ISM1: variants seen among roughly 807,000 people sequenced by gnomAD.
ISM1 encodes the protein isthmin-1.
ISM1 carries 25 observed loss-of-function variants against 46.3 expected under a neutral mutation model. That is an observed-to-expected ratio of 0.54 (90% confidence interval 0.39 to 0.75). ISM1 has a LOEUF of 0.75. Ranked by LOEUF, ISM1 falls within the 30% of genes least tolerant of loss-of-function variation. ISM1 has a pLI of 0.00. For missense variants in ISM1, 536 were observed against 625.4 expected (o/e 0.86, Z 1.52); for synonymous variants, 255 against 256.7 (o/e 0.99, Z 0.06).
Position 13,281,187 on chromosome 20 carries a change from A to G in ISM1, c.643+1289A>G, listed in dbSNP as rs570867572. 5.2e-4 allele frequency among the ~76,000 whole-genome samples: 79 copies of G among 152,350 alleles called. No homozygotes were observed. The South Asian group carries it at 0.013, about 25-fold the overall frequency. ...CAGCACTATGCTGGGTACAAAAATGAGCAAGGCATAGTCTGTCCCCAGAAC... is the reference window on the plus strand; with the variant it reads ...CAGCACTATGCTGGGTACAAAAATGGGCAAGGCATAGTCTGTCCCCAGAAC... On this transcript the variant is annotated intron_variant, in intron 3 of 5. Transcript: ENST00000262487.
chr20:13,317,489 T>C, the ISM1 span, among the ~76,000 whole-genome samples: 1 of 151,906 alleles, frequency 6.6e-6, no homozygotes, highest in Admixed American at 6.6e-5. Flanking sequence ...GCCAACAAAA[T>C]ATTGAAGGAG....
intron 1 of ISM1, among the ~76,000 whole-genome samples, chr20:13,253,875 ATATGTG>A (rs2039895913): frequency 1.7e-4 from 17 of 100,096 alleles, no homozygotes; most frequent in Admixed American, 1.6e-3. Flanking sequence ...ATATATATAT[ATATGTG>A]TGTGTGTATG....
intron 2 of ISM1, among the ~76,000 whole-genome samples, chr20:13,274,358 T>C (rs775005517): frequency 6.6e-6 from 1 of 152,060 alleles, no homozygotes; most frequent in South Asian, 2.1e-4. Context: ...CGTCAAAGCA[T>C]TCCCTCTCCC....
At chr20:13,282,019 TC>T (rs1011294573) in intron 3 of ISM1, among the ~76,000 whole-genome samples, 1 of 152,156 alleles carries the variant, frequency 6.6e-6, no homozygotes, top group African/African-American at 2.4e-5. Context: ...ACCTACTGAG[TC>T]AGAAACTCTG....
intron 2 of ISM1, among the ~76,000 whole-genome samples, chr20:13,275,662 TAA>T (rs1269257587): frequency 6.6e-6 from 1 of 152,208 alleles, no homozygotes; most frequent in Non-Finnish European, 1.5e-5. Flanking sequence ...ATACTATATA[TAA>T]GTGTGATTAT....
chr20:13,313,705 A>G, the ISM1 span, among the ~76,000 whole-genome samples: 1 of 152,240 alleles, frequency 6.6e-6, no homozygotes, highest in Admixed American at 6.5e-5. Flanking sequence ...TTTTACCAAT[A>G]TATCATGTCC....
intron 4 of ISM1, among the ~76,000 whole-genome samples, chr20:13,291,157 T>C (rs2040349048): frequency 6.6e-6 from 1 of 152,184 alleles, no homozygotes; most frequent in South Asian, 2.1e-4. Flanking sequence ...GTTTCCTTCT[T>C]GTTTTCTGTC....
chr20:13,281,783 T>C (rs1600548411), intron 3 of ISM1, among the ~76,000 whole-genome samples: 1 of 152,184 alleles, frequency 6.6e-6, no homozygotes, highest in African/African-American at 2.4e-5. Context: ...CAGCCTGAGA[T>C]TGCACAGCGT....
At chr20:13,242,387 G>A (rs1294238897) in intron 1 of ISM1, among the ~76,000 whole-genome samples, 1 of 152,190 alleles carries the variant, frequency 6.6e-6, no homozygotes, top group East Asian at 1.9e-4. Context: ...TATTTTTCAG[G>A]AGGAAGGGGA....
At chr20:13,276,442 C>T (rs952442679) in intron 2 of ISM1, among the ~76,000 whole-genome samples, 1 of 152,200 alleles carries the variant, frequency 6.6e-6, no homozygotes, top group Admixed American at 6.5e-5. Flanking sequence ...AACTTTTCCT[C>T]GTTTCCTAAG....
intron 1 of ISM1, among the ~76,000 whole-genome samples, chr20:13,235,194 G>C (rs868230079): frequency 6.6e-6 from 1 of 152,154 alleles, no homozygotes; most frequent in African/African-American, 2.4e-5. Context: ...CTATGGATTG[G>C]GTCTAGGTTT....
At chr20:13,317,087 G>A in the ISM1 span, among the ~76,000 whole-genome samples, 16 of 151,762 alleles carry the variant, frequency 1.1e-4, no homozygotes, top group African/African-American at 2.2e-4. Flanking sequence ...CAATTATAGC[G>A]GCATTGCAGG....
At chr20:13,280,244 T>G (rs1178922070) in intron 3 of ISM1, among the ~76,000 whole-genome samples, 1 of 152,074 alleles carries the variant, frequency 6.6e-6, no homozygotes, top group African/African-American at 2.4e-5. Flanking sequence ...TATTTTTTAC[T>G]GTAAAAATTC....
the ISM1 span, among the ~76,000 whole-genome samples, chr20:13,311,241 G>GATAGATAGATAGATAGATAC: frequency 1.0e-5 from 1 of 98,876 alleles, no homozygotes; most frequent in Admixed American, 1.1e-4. Flanking sequence ...TAGATAGATA[G>GATAGATAGATAGATAGATAC]ATGATAGATA....
intron 3 of ISM1, 69 bp from the exon 4 acceptor site, chr20:13,288,471 G>C: frequency 6.6e-7 from 1 of 1,514,332 alleles, no homozygotes. Context: ...TAATTGACAG[G>C]CTGCTTGATG....
At chr20:13,320,757 T>C in the ISM1 span, among the ~76,000 whole-genome samples, 1 of 152,142 alleles carries the variant, frequency 6.6e-6, no homozygotes. Context: ...CTGTCCAAGC[T>C]CTAGCCATCA....
In ISM1 at chr20:13,271,990, GCTGGGCTCAAACTC is replaced by G. The variant is rs571834084; in HGVS notation, c.378+1258_378+1271del. Among the ~76,000 whole-genome samples the G allele has an allele frequency of 1.1e-4, 16 of 151,998 alleles. No homozygotes were observed. The South Asian group carries it at 3.1e-3, about 30-fold the overall frequency. On this transcript the variant is annotated intron_variant, in intron 2 of 5. Coordinates refer to ENST00000262487, the MANE Select transcript of ISM1 (RefSeq NM_080826.2). ...AACAGGGTTTTGCCATATCGCTCAG[GCTGGGCTCAAACTC>G]CTGGGCTCAAGCGATCCCCCTGCCT...
At chr20:13,259,820 G>A (rs2039968608) in intron 1 of ISM1, among the ~76,000 whole-genome samples, 4 of 152,146 alleles carry the variant, frequency 2.6e-5, no homozygotes, top group Admixed American at 2.6e-4. Context: ...AAATACTTTG[G>A]GGCAGGCCTG....
rs778673969 is a variant in ISM1, at chr20:13,299,509, C to G, written c.*50C>G. On this transcript the variant is annotated 3_prime_UTR_variant, in exon 6 of 6. Coordinates refer to ENST00000262487, the MANE Select transcript of ISM1 (RefSeq NM_080826.2). The surrounding 1 kb of genome is among the most constrained non-coding windows in gnomAD (Gnocchi z 5.8). ...GCTGCCTCTGGTTCTGGAGCACACA[C>G]GTGCTGCACTGACGTGCCGACTGGC... The G allele has an allele frequency of 8.6e-6, 13 of 1,506,754 alleles. No homozygotes were observed. Among genetic ancestry groups the G allele is most frequent in the Non-Finnish European group, 1.2e-5 (13 of 1,112,968 alleles). The allele number at this position is 1,506,754 out of a possible 1,614,324, so 93.3% of individuals were successfully genotyped here.
Sources: allele counts gnomAD v4.1 joint callset (sites outside exome capture counted in the v4.1 genomes callset), GRCh38; gene constraint gnomAD v4.1.1; non-coding constraint Gnocchi (gnomAD v3.1); transcripts MANE v1.5; gene names NCBI Gene and HGNC (gene_info 2026-07-23, HGNC 2026-07-21).